DLG4: variants seen among roughly 807,000 people sequenced by gnomAD.
DLG4 encodes the protein disks large homolog 4.
Under a neutral mutation model 93.8 loss-of-function variants are expected in DLG4, and 7 were observed. The observed-to-expected ratio is 0.07, with a 90% confidence interval of 0.04 to 0.14. The LOEUF is 0.14. Ranked by LOEUF, DLG4 falls within the 10% of genes least tolerant of loss-of-function variation. The probability of loss-of-function intolerance (pLI) is 1.00; values close to 1 mark genes in which losing one functional copy is unlikely to be tolerated. For missense variants in DLG4, 545 were observed against 992.9 expected (o/e 0.55, Z 6.06); for synonymous variants, 341 against 387.6 (o/e 0.88, Z 1.41).
chr17:7,193,613 C>A lies in DLG4; in HGVS notation c.1592-29G>T. ...CAGAGAGAGCCTGGCTTAGGCCGAGCGCAGGGTTGGGGGAGCAGCAAGTGC... is the reference window on the plus strand; with the variant it reads ...CAGAGAGAGCCTGGCTTAGGCCGAGAGCAGGGTTGGGGGAGCAGCAAGTGC... On this transcript the variant is annotated intron_variant, in intron 15 of 19. Coordinates refer to ENST00000399506, the MANE Select transcript of DLG4 (RefSeq NM_001321075.3). This position sits in a 1 kb window ranked among gnomAD's most constrained non-coding sequence, Gnocchi z 6.7. 1 of 1,526,146 alleles carries A rather than the reference C, an allele frequency of 6.6e-7. No individual in the cohort carries two copies. The highest frequency in any genetic ancestry group is 8.8e-7 in the Non-Finnish European group (1 of 1,139,446). 94.5% of individuals were successfully genotyped at this position (1,526,146 alleles called of 1,614,324 possible).
chr17:7,205,097 G>A, intron 2 of DLG4: 3 of 985,588 alleles, frequency 3.0e-6, no homozygotes, highest in African/African-American at 3.5e-5. Flanking sequence ...CCGGGCTGAA[G>A]AGGTTTGTGG....
intron 1 of DLG4, among the ~76,000 whole-genome samples, chr17:7,213,415 T>C (rs2070787223): frequency 6.6e-6 from 1 of 152,078 alleles, no homozygotes; most frequent in Non-Finnish European, 1.5e-5. Context: ...TCTCCTTTTC[T>C]TTACCCCTGA....
chr17:7,216,760 C>T (rs1046201828), intron 1 of DLG4, among the ~76,000 whole-genome samples: 1 of 151,978 alleles, frequency 6.6e-6, no homozygotes, highest in South Asian at 2.1e-4. Flanking sequence ...GAGGAACCCC[C>T]CAACATAGCC....
In DLG4 at chr17:7,208,024, C is replaced by A; in HGVS notation, c.96+150G>T. On this transcript the variant is annotated intron_variant, in intron 2 of 19. Transcript: ENST00000399506. This position sits in a 1 kb window ranked among gnomAD's most constrained non-coding sequence, Gnocchi z 5.4. ...TACCGGCCCTTAGGGATTGCTGCAG[C>A]TCCGAGGCTCCGAGGGCCGCACTGG... 8.1e-7 allele frequency: 1 copy of A among 1,241,252 alleles called. No homozygotes were observed. 76.9% of individuals were successfully genotyped at this position (1,241,252 alleles called of 1,614,324 possible).
In DLG4 at chr17:7,194,076, C is replaced by A; in HGVS notation, c.1479-76G>T. ...CACCCCCATGCTCTGAGCCAGCTGACAACCCCTTCTCCATACTCTGGGCCA... is the reference window on the plus strand; with the variant it reads ...CACCCCCATGCTCTGAGCCAGCTGAAAACCCCTTCTCCATACTCTGGGCCA... On this transcript the variant is annotated intron_variant, in intron 12 of 19. Transcript: ENST00000399506. The surrounding 1 kb of genome is among the most constrained non-coding windows in gnomAD (Gnocchi z 4.4). 6.4e-7 allele frequency: 1 copy of A among 1,561,024 alleles called. No homozygotes were observed. The highest frequency in any genetic ancestry group is 1.7e-4 in the Middle Eastern group (1 of 5,952).
rs943296509 is a variant in DLG4, at chr17:7,187,733, C to A, written c.*2975G>T. ...AGAGAACGTTATCACAGCCTCAAGC[C>A]ATCTGCTATTACACAGAACCAAGCT... On this transcript the variant is annotated 3_prime_UTR_variant, in exon 20 of 20. Transcript: ENST00000399506. Among the ~76,000 whole-genome samples the A allele has an allele frequency of 5.3e-5, 8 of 151,996 alleles. No individual in the cohort carries two copies. Among genetic ancestry groups the A allele is most frequent in the African/African-American group, 1.9e-4 (8 of 41,378 alleles).
rs528806741 is a variant in DLG4 at position 7,213,031 on chromosome 17, T to G, written c.30+4087A>C. Among the ~76,000 whole-genome samples the G allele has an allele frequency of 2.4e-4, 37 of 151,694 alleles. No homozygotes were observed. The South Asian group carries it at 3.9e-3, about 16-fold the overall frequency. On this transcript the variant is annotated intron_variant, in intron 1 of 19. Transcript: ENST00000399506. ...CTAGGCGACAGAGTGAGACTCGGTCTCAAAAATTAATAATTAATTAATTAA... is the reference window on the plus strand; with the variant it reads ...CTAGGCGACAGAGTGAGACTCGGTCGCAAAAATTAATAATTAATTAATTAA...
chr17:7,192,841 G>T, intron 17 of DLG4, 104 bp downstream of exon 17: 1 of 1,300,356 alleles, frequency 7.7e-7, no homozygotes, highest in Non-Finnish European at 1.0e-6. Context: ...TGGAGACCCA[G>T]CAGGGAAAGA....
rs201944473 is a variant in DLG4 at position 7,203,304 on chromosome 17, G to A, written c.531C>T (p.Gly177=). Residue 177 remains glycine, a synonymous_variant, in exon 7 of 20, where the codon GGC becomes GGT. Coordinates refer to ENST00000399506, the MANE Select transcript of DLG4 (RefSeq NM_001321075.3). The surrounding 1 kb of genome is among the most constrained non-coding windows in gnomAD (Gnocchi z 7.2). The part of the protein sequence containing the change: ...PKGLGFSIAG[G]VGNQHIPGDN... ...CTCCTGGGATGTGCTGGTTCCCTAC[G>A]CCCCCTGCGATGCTGAAGCCAAGAC... is the stretch of plus-strand genomic sequence containing the variant. The A allele has an allele frequency of 3.4e-4, 538 of 1,605,242 alleles. 1 individual carries two copies. Among genetic ancestry groups the A allele is most frequent in the East Asian group, 1.3e-3 (59 of 44,592 alleles).
intron 17 of DLG4, chr17:7,192,320 G>A (rs1401614517): frequency 8.5e-6 from 3 of 354,942 alleles, no homozygotes; most frequent in East Asian, 9.2e-5. Flanking sequence ...CGAGTGGGGC[G>A]GGGTGTGCAA....
chr17:7,217,867 G>A, upstream of DLG4: 1 of 1,508,434 alleles, frequency 6.6e-7, no homozygotes, highest in Non-Finnish European at 8.9e-7. Context: ...TGGGCTGGGA[G>A]CACCCACGGT....
chr17:7,198,572 G>A (rs984567913), intron 8 of DLG4, among the ~76,000 whole-genome samples: 1 of 151,600 alleles, frequency 6.6e-6, no homozygotes, highest in Non-Finnish European at 1.5e-5. Flanking sequence ...AGCTGAGGCT[G>A]GGCGCAGTGG....
At chr17:7,213,815 C>A (rs1258191975) in intron 1 of DLG4, 4 of 471,068 alleles carry the variant, frequency 8.5e-6, no homozygotes, top group East Asian at 6.9e-5. Context: ...GCGAGATTGA[C>A]CCCGTTGATC....
chr17:7,212,984 G>A (rs1042500166), intron 1 of DLG4, among the ~76,000 whole-genome samples: 5 of 152,120 alleles, frequency 3.3e-5, no homozygotes, highest in African/African-American at 7.2e-5. Flanking sequence ...AGTGAGCCGA[G>A]ATCGTGCCAC....
chr17:7,219,175 G>A, upstream of DLG4: 1 of 398,868 alleles, frequency 2.5e-6, no homozygotes, highest in African/African-American at 2.1e-5. Flanking sequence ...GAGAATTGCA[G>A]AAAAAGGGGT....
intron 19 of DLG4, 148 bp from the exon 20 acceptor site, chr17:7,190,962 TC>T (rs150982597): frequency 1.1e-4 from 57 of 516,176 alleles, no homozygotes; most frequent in Admixed American, 1.7e-4. Flanking sequence ...CAGGGGCACC[TC>T]TTTTTTTTTT....
intron 8 of DLG4, among the ~76,000 whole-genome samples, chr17:7,202,291 T>C (rs1284688866): frequency 6.6e-6 from 1 of 152,106 alleles, no homozygotes; most frequent in African/African-American, 2.4e-5. Context: ...CTCAAATCCC[T>C]AGCTGGTCTC....
At chr17:7,200,907 T>C (rs193088193) in intron 8 of DLG4, among the ~76,000 whole-genome samples, 4 of 143,476 alleles carry the variant, frequency 2.8e-5, no homozygotes, top group African/African-American at 5.2e-5. Flanking sequence ...TCGCCCAGGC[T>C]GGAGTGCAGT....
In DLG4 at chr17:7,189,312, A is replaced by T. The variant is rs1239418609; in HGVS notation, c.*1396T>A. Among the ~76,000 whole-genome samples the T allele has an allele frequency of 2.0e-5, 3 of 151,768 alleles. No homozygotes were observed. Among genetic ancestry groups the T allele is most frequent in the East Asian group, 1.9e-4 (1 of 5,144 alleles). On this transcript the variant is annotated 3_prime_UTR_variant, in exon 20 of 20. Coordinates refer to ENST00000399506, the MANE Select transcript of DLG4 (RefSeq NM_001321075.3). ...CAAGACCAGCCTGACCAACATGGTG[A>T]AACCCCATCTCTACTAAAAATACAA...
Sources: allele counts gnomAD v4.1 joint callset (sites outside exome capture counted in the v4.1 genomes callset), GRCh38; gene constraint gnomAD v4.1.1; non-coding constraint Gnocchi (gnomAD v3.1); transcripts MANE v1.5; gene names NCBI Gene and HGNC (gene_info 2026-07-23, HGNC 2026-07-21).